The following TNPO2 variants were observed in gnomAD, a reference collection of about 807,000 sequenced individuals.
TNPO2 encodes the protein transportin 2, also known as transportin-2.
In TNPO2, 16 loss-of-function variants were observed where a neutral mutation model predicts 111.1. That is an observed-to-expected ratio of 0.14 (90% CI 0.10 to 0.22). The LOEUF (loss-of-function observed/expected upper bound fraction) is 0.22. Ranked by LOEUF, TNPO2 falls within the 10% of genes least tolerant of loss-of-function variation. The pLI is 1.00. For missense variants in TNPO2, 530 were observed against 1,173.7 expected, an observed-to-expected ratio of 0.45 and a Z score of 8.01; for synonymous variants, 481 against 475.8, an observed-to-expected ratio of 1.01 and a Z score of -0.14.
intron 12 of TNPO2, 71 bp from the exon 13 acceptor site, chr19:12,710,844 A>C: frequency 7.2e-7 from 1 of 1,391,042 alleles, no homozygotes; most frequent in Non-Finnish European, 9.7e-7. Flanking sequence ...CCTTGACTGC[A>C]CTCCCAGGAT....
chr19:12,703,845 C>T (rs2025471180), intron 18 of TNPO2, 44 bp from the exon 19 acceptor site: 17 of 1,509,290 alleles, frequency 1.1e-5, no homozygotes, highest in Admixed American at 2.0e-5. Flanking sequence ...TCCCCTCCTT[C>T]TAACCAGGAC....
intron 13 of TNPO2, among the ~76,000 whole-genome samples, chr19:12,708,604 C>T (rs1360391341): frequency 2.0e-5 from 3 of 151,974 alleles, no homozygotes; most frequent in African/African-American, 4.8e-5. Flanking sequence ...CGGTGGCTCA[C>T]GCCTGTAATC....
At chr19:12,722,894 C>T (rs1285030745) in intron 2 of TNPO2, among the ~76,000 whole-genome samples, 1 of 152,170 alleles carries the variant, frequency 6.6e-6, no homozygotes, top group African/African-American at 2.4e-5. Flanking sequence ...GTGATGGATC[C>T]AGGAACCCCT....
At chr19:12,710,387 T>C (rs2025969718) in intron 13 of TNPO2, among the ~76,000 whole-genome samples, 2 of 152,194 alleles carry the variant, frequency 1.3e-5, no homozygotes, top group Non-Finnish European at 2.9e-5. Context: ...GCTGTAATTA[T>C]GCTTACAACA....
In TNPO2 at chr19:12,715,574, G is replaced by C. The variant is rs778287381; in HGVS notation, c.433-36C>G. The C allele has an allele frequency of 9.9e-6, 16 of 1,613,680 alleles. No homozygotes were observed. In the East Asian group the frequency reaches 3.6e-4, roughly 36 times the overall value. On this transcript the variant is annotated intron_variant, in intron 6 of 25. Transcript: ENST00000425528. This position sits in a 1 kb window ranked among gnomAD's most constrained non-coding sequence, Gnocchi z 7.1. ...AGGGGCAGAGAGACAAACGTGGGTGGTGGGTGGTGGTCCCAGCCCCCCAGT... is the reference window on the plus strand; with the variant it reads ...AGGGGCAGAGAGACAAACGTGGGTGCTGGGTGGTGGTCCCAGCCCCCCAGT...
chr19:12,710,566 G>T, intron 13 of TNPO2, 55 bp downstream of exon 13: 1 of 1,586,280 alleles, frequency 6.3e-7, no homozygotes, highest in Non-Finnish European at 8.6e-7. Flanking sequence ...CTAGTAATGT[G>T]GGCCAGCCCT....
At position 12,706,426 on chromosome 19, in the gene TNPO2, A is replaced by G. The variant is rs1300956624; in HGVS notation, c.1497-59T>C. 1.9e-6 allele frequency: 3 copies of G among 1,607,134 alleles called. No homozygotes were observed. The highest frequency in any genetic ancestry group is 2.6e-6 in the Non-Finnish European group (3 of 1,174,092). On this transcript the variant is annotated intron_variant, in intron 14 of 25. Coordinates refer to ENST00000425528, the MANE Select transcript of TNPO2 (RefSeq NM_001382241.1). The surrounding 1 kb of genome is among the most constrained non-coding windows in gnomAD (Gnocchi z 7.0). ...GGACCATGGCAGGTGACACTGGGCC[A>G]TGGGCAGTTGGGGAGGGCAACTCAG... is the stretch of plus-strand genomic sequence containing the variant.
intron 5 of TNPO2, among the ~76,000 whole-genome samples, chr19:12,717,773 C>T (rs1279107937): frequency 3.3e-5 from 5 of 150,268 alleles, no homozygotes; most frequent in East Asian, 2.0e-4. Flanking sequence ...GCCTCCCGGG[C>T]TCAAGCAATT....
At chr19:12,711,729 C>T in intron 10 of TNPO2, 116 bp from the exon 11 acceptor site, 2 of 817,902 alleles carry the variant, frequency 2.4e-6, no homozygotes. Context: ...CCCCAATCAG[C>T]CACAGAGCAG....
At position 12,721,636 on chromosome 19, in the gene TNPO2, G is replaced by T. The variant is rs1480422389; in HGVS notation, c.-13-646C>A. On this transcript the variant is annotated intron_variant, in intron 2 of 25. Coordinates refer to ENST00000425528, the MANE Select transcript of TNPO2 (RefSeq NM_001382241.1). The surrounding 1 kb of genome is among the most constrained non-coding windows in gnomAD (Gnocchi z 4.9). ...CTCTGTGGCCTAGCCAAATTCTAAG[G>T]ATTCCCCTTAATCAGGCCCAAAGCA... 2.6e-5 allele frequency: 7 copies of T among 270,522 alleles called. No individual in the cohort carries two copies. The highest frequency in any genetic ancestry group is 5.6e-5 in the Admixed American group (1 of 17,792). The allele number at this position is 270,522 out of a possible 1,614,324, so 16.8% of individuals were successfully genotyped here.
Position 12,702,218 on chromosome 19 carries a change from C to T in TNPO2, c.2306-41G>A. 2.6e-6 allele frequency: 4 copies of T among 1,558,916 alleles called. No homozygotes were observed. The Middle Eastern group carries it at 6.8e-4, about 264-fold the overall frequency. On this transcript the variant is annotated intron_variant, in intron 21 of 25. Transcript: ENST00000425528. The surrounding 1 kb of genome is among the most constrained non-coding windows in gnomAD (Gnocchi z 5.5). ...GCCCCGGGACGGTACGTGGCGGGGC[C>T]TCTGGCACAAGGCACCAAGCCCCGC...
At position 12,715,823 on chromosome 19, in the gene TNPO2, T is replaced by C. The variant is rs568714938; in HGVS notation, c.326-84A>G. The stretch of plus-strand genomic sequence containing the variant: ...CCCTCCCACTGGACACCCCCAGTGC[T>C]GCCTTTCTGTTCCCTAGCCCATGTA... On this transcript the variant is annotated intron_variant, in intron 5 of 25. Coordinates refer to ENST00000425528, the MANE Select transcript of TNPO2 (RefSeq NM_001382241.1). The surrounding 1 kb of genome is among the most constrained non-coding windows in gnomAD (Gnocchi z 7.1). The C allele has an allele frequency of 8.3e-6, 9 of 1,088,524 alleles. No individual in the cohort carries two copies. The highest frequency in any genetic ancestry group is 4.1e-5 in the South Asian group (3 of 73,082). 67.4% of individuals were successfully genotyped at this position (1,088,524 alleles called of 1,614,324 possible).
At position 12,706,268 on chromosome 19, in the gene TNPO2, G is replaced by A. The variant is rs755738596; in HGVS notation, c.1596C>T (p.His532=). The A allele has an allele frequency of 1.2e-6, 2 of 1,614,032 alleles. No homozygotes were observed. The highest frequency in any genetic ancestry group is 2.2e-5 in the East Asian group (1 of 44,882). The change falls in exon 15 of 26, where the codon CAC becomes CAT. Residue 532 remains histidine, a synonymous_variant. Transcript: ENST00000425528. This position sits in a 1 kb window ranked among gnomAD's most constrained non-coding sequence, Gnocchi z 7.0. The part of the protein sequence containing the change: ...TLVFAFGKYQ[H]KNLLILYDAI... ...CGTCATAGAGGATGAGCAGGTTCTT[G>A]TGCTGGTATTTCCCAAAGGCAAAGA...
rs1285604073 is a variant in TNPO2 at position 12,719,146 on chromosome 19, G to A, written c.208C>T (p.Leu70Phe). The A allele has an allele frequency of 6.2e-7, 1 of 1,613,886 alleles. No individual in the cohort carries two copies. The highest frequency in any genetic ancestry group is 8.5e-7 in the Non-Finnish European group (1 of 1,179,908). ...TAGTGTGCCTTCACGTTGTTCTTGA[G>A]GATGAGGCCACTGAGAGAGCGCGTT... ...EPTRSLSGLI[L>F]KNNVKAHYQS... The change falls in exon 5 of 26, where the codon CTC (leucine) becomes TTC (phenylalanine). Residue 70 changes from leucine to phenylalanine, a missense_variant. Leu to Phe is a conservative substitution (Grantham distance 22). Around this residue, in one of 4 missense-constraint regions of TNPO2, gnomAD observed 156 missense variants for 405.8 expected, o/e 0.38. Transcript: ENST00000425528. This position sits in a 1 kb window ranked among gnomAD's most constrained non-coding sequence, Gnocchi z 5.0.
chr19:12,722,595 A>C (rs1967070169), intron 2 of TNPO2: 1 of 128,778 alleles, frequency 7.8e-6, no homozygotes, highest in Admixed American at 7.6e-5. Flanking sequence ...AGAAAGAAAG[A>C]AAAAAAAAAA....
At position 12,702,778 on chromosome 19, in the gene TNPO2, A is replaced by C; in HGVS notation, c.2305+45T>G. ...CTTCCCAGCCCAGAACCCCACCTCC[A>C]GAAGGCAGGCAGGGGTGCAGGCAGC... On this transcript the variant is annotated intron_variant, in intron 21 of 25. Transcript: ENST00000425528. The surrounding 1 kb of genome is among the most constrained non-coding windows in gnomAD (Gnocchi z 5.5). The C allele has an allele frequency of 1.3e-6, 2 of 1,567,164 alleles. No individual in the cohort carries two copies. The highest frequency in any genetic ancestry group is 1.8e-6 in the Non-Finnish European group (2 of 1,138,326).
intron 10 of TNPO2, among the ~76,000 whole-genome samples, chr19:12,713,647 A>G (rs2026194865): frequency 6.6e-6 from 1 of 152,162 alleles, no homozygotes; most frequent in Non-Finnish European, 1.5e-5. Context: ...CGGAGGTTGC[A>G]GTGAGCCGAG....
At position 12,703,722 on chromosome 19, in the gene TNPO2, G is replaced by A; in HGVS notation, c.2102C>T (p.Pro701Leu). The change falls in exon 19 of 26, where the codon CCC becomes CTC. Residue 701 changes from proline to leucine, a missense_variant. Physicochemically the swap from Pro to Leu is moderately conservative, Grantham distance 98. Coordinates refer to ENST00000425528, the MANE Select transcript of TNPO2 (RefSeq NM_001382241.1). ...CAAGGCGAGTGTCGTACCGATACAG[G>A]GCTTGACATGGATGAAGCAGGCTTT... Reference protein sequence around the residue: ...LTKACFIHVKPCIAEFMPILG... With the variant: ...LTKACFIHVKLCIAEFMPILG... 1 of 1,608,346 alleles carries A rather than the reference G, an allele frequency of 6.2e-7. No homozygotes were observed.
intron 5 of TNPO2, among the ~76,000 whole-genome samples, chr19:12,717,348 T>C (rs2145597120): frequency 6.7e-6 from 1 of 149,202 alleles, no homozygotes; most frequent in East Asian, 2.0e-4. Context: ...CTTGGCTCAC[T>C]GCAACCTCCA....
Sources: allele counts gnomAD v4.1 joint callset (sites outside exome capture counted in the v4.1 genomes callset), GRCh38; gene constraint gnomAD v4.1.1; regional missense constraint gnomAD v4.1.1; non-coding constraint Gnocchi (gnomAD v3.1); transcripts MANE v1.5; gene names NCBI Gene and HGNC (gene_info 2026-07-23, HGNC 2026-07-21).